Variants in OR3A2 observed in about 807,000 individuals in gnomAD.
OR3A2 encodes the protein olfactory receptor family 3 subfamily A member 2, also known as olfactory receptor 3A2.
For synonymous variants in OR3A2, 126 were observed against 159.3 expected, an observed-to-expected ratio of 0.79 and a Z score of 1.57; for missense variants, 318 against 392.8, an observed-to-expected ratio of 0.81 and a Z score of 1.61.
At position 3,316,305 on chromosome 17, in the gene OR3A2, A is replaced by G. The variant is rs888555600; in HGVS notation, c.-85+19728T>C. On this transcript the variant is annotated intron_variant, in intron 3 of 4. Transcript: ENST00000573491. ...AAAGAAACATGTTTCAGACATTGTG[A>G]GTTCTCAACACATCTGTGAACTGTT... 8.5e-5 allele frequency among the ~76,000 whole-genome samples: 13 copies of G among 152,224 alleles called. No individual in the cohort carries two copies. The East Asian group carries it at 1.5e-3, about 18-fold the overall frequency.
chr17:3,317,179 T>G (rs1597336039), intron 3 of OR3A2, among the ~76,000 whole-genome samples: 1 of 152,080 alleles, frequency 6.6e-6, no homozygotes, highest in Admixed American at 6.5e-5. Flanking sequence ...GATGCCAGAA[T>G]TGGAGGTGGT....
intron 2 of OR3A2, among the ~76,000 whole-genome samples, chr17:3,357,937 G>C (rs2049476701): frequency 6.6e-6 from 1 of 151,550 alleles, no homozygotes; most frequent in African/African-American, 2.4e-5. Flanking sequence ...AGGCTAGTGA[G>C]GCCTTGCCTG....
Position 3,352,021 on chromosome 17 carries a change from C to G in OR3A2, c.-178-15895G>C, listed in dbSNP as rs182836458. ...CTGGATCCCTTCCTTACACCTTATA[C>G]AAAAATCAATTCAAGATGGATTGTA... On this transcript the variant is annotated intron_variant, in intron 2 of 4. Transcript: ENST00000573491. 1.8e-4 allele frequency among the ~76,000 whole-genome samples: 27 copies of G among 152,138 alleles called. No individual in the cohort carries two copies. In the East Asian group the frequency reaches 4.6e-3, roughly 26 times the overall value.
chr17:3,326,878 T>C (rs977926959), intron 3 of OR3A2, among the ~76,000 whole-genome samples: 1 of 134,510 alleles, frequency 7.4e-6, no homozygotes, highest in African/African-American at 2.9e-5. Context: ...ACAAAGGACA[T>C]GAACTCATCA....
intron 2 of OR3A2, among the ~76,000 whole-genome samples, chr17:3,379,031 C>T (rs960431045): frequency 6.6e-6 from 1 of 152,168 alleles, no homozygotes; most frequent in African/African-American, 2.4e-5. Context: ...CTAGTGGGGA[C>T]TTGAATATCT....
rs528159246 is a variant in OR3A2, at chr17:3,376,261, G to T, written c.-179+7543C>A. Among the ~76,000 whole-genome samples the T allele has an allele frequency of 4.2e-4, 64 of 152,346 alleles. No homozygotes were observed. In the South Asian group the frequency reaches 0.011, roughly 27 times the overall value. ...AGGTGGCACTTTCAAGAGAGCACCA[G>T]CTACGATAGTAGAAGGGGGATATAA... On this transcript the variant is annotated intron_variant, in intron 2 of 4. Transcript: ENST00000573491.
At chr17:3,321,180 T>G (rs562719531) in intron 3 of OR3A2, among the ~76,000 whole-genome samples, 1 of 151,288 alleles carries the variant, frequency 6.6e-6, no homozygotes, top group African/African-American at 2.4e-5. Flanking sequence ...GCTCTCTGTT[T>G]GTCTGTTGTT....
chr17:3,333,138 T>A (rs1475726784), intron 3 of OR3A2, among the ~76,000 whole-genome samples: 2 of 152,168 alleles, frequency 1.3e-5, no homozygotes, highest in African/African-American at 4.8e-5. Context: ...CCTAGCAAAA[T>A]AATTGCATTC....
intron 3 of OR3A2, among the ~76,000 whole-genome samples, chr17:3,324,816 TGAG>T (rs1567555051): frequency 6.6e-6 from 1 of 152,126 alleles, no homozygotes; most frequent in Non-Finnish European, 1.5e-5. Flanking sequence ...GAGACCCACT[TGAG>T]GAGGCAGTCT....
chr17:3,304,624 G>C (rs1003734516), intron 3 of OR3A2, among the ~76,000 whole-genome samples: 9 of 152,140 alleles, frequency 5.9e-5, no homozygotes, highest in African/African-American at 1.9e-4. Context: ...GGCCAGAGTA[G>C]TTTTCTAAGG....
rs535410006 is a variant in OR3A2 at position 3,307,963 on chromosome 17, C to T, written c.-85+28070G>A. ...CAAAATCTCAACACCGTCCCCAACA[C>T]AAGGTGACTTTCAGGATTTTAAGTC... On this transcript the variant is annotated intron_variant, in intron 3 of 4. Coordinates refer to the OR3A2 transcript ENST00000573491. 5.3e-5 allele frequency among the ~76,000 whole-genome samples: 8 copies of T among 152,270 alleles called. No individual in the cohort carries two copies. The East Asian group carries it at 1.5e-3, about 29-fold the overall frequency.
intron 2 of OR3A2, among the ~76,000 whole-genome samples, chr17:3,354,502 G>A (rs1245935818): frequency 6.6e-6 from 1 of 151,128 alleles, no homozygotes; most frequent in Non-Finnish European, 1.5e-5. Context: ...TTTATGGTTT[G>A]ATCTTGGTAG....
At chr17:3,301,108 T>C (rs1567547603) in intron 3 of OR3A2, among the ~76,000 whole-genome samples, 2 of 152,232 alleles carry the variant, frequency 1.3e-5, no homozygotes, top group Admixed American at 1.3e-4. Context: ...ACATTTGGGT[T>C]GGTTCCAAGT....
intron 3 of OR3A2, among the ~76,000 whole-genome samples, chr17:3,315,772 GA>G (rs2049078093): frequency 3.3e-5 from 1 of 29,866 alleles, no homozygotes; most frequent in African/African-American, 2.2e-4. Flanking sequence ...GCGGTAGTAA[GA>G]TGAGTAGTAA....
At chr17:3,281,096 T>C (rs1241261121) in intron 1 of OR3A2, among the ~76,000 whole-genome samples, 2 of 152,150 alleles carry the variant, frequency 1.3e-5, no homozygotes, top group African/African-American at 4.8e-5. Context: ...CTCACAATCC[T>C]GGAACAAGTG....
chr17:3,346,458 G>T (rs2049364372), intron 2 of OR3A2, among the ~76,000 whole-genome samples: 1 of 152,274 alleles, frequency 6.6e-6, no homozygotes, highest in Non-Finnish European at 1.5e-5. Context: ...GGGAACAGCA[G>T]TAGCAGCCAC....
chr17:3,363,325 C>G (rs964033998), intron 2 of OR3A2, among the ~76,000 whole-genome samples: 6 of 151,754 alleles, frequency 4.0e-5, no homozygotes, highest in Admixed American at 2.6e-4. Context: ...ATTTCTTCTG[C>G]CAGATACTCT....
At chr17:3,336,050 G>A (rs1054475769) in exon 3 of OR3A2, 4 of 152,290 alleles carry the variant, frequency 2.6e-5, no homozygotes, top group African/African-American at 4.8e-5. Context: ...GCCGGAACAC[G>A]CAGAGCCCTC....
intron 2 of OR3A2, among the ~76,000 whole-genome samples, chr17:3,343,019 C>G (rs9899543): frequency 2.0e-5 from 3 of 152,130 alleles, no homozygotes; most frequent in Non-Finnish European, 4.4e-5. Context: ...TGGACTGCTG[C>G]GCTAGCAGTG....
Sources: allele counts gnomAD v4.1 joint callset (sites outside exome capture counted in the v4.1 genomes callset), GRCh38; gene constraint gnomAD v4.1.1; transcripts MANE v1.5; gene names NCBI Gene and HGNC (gene_info 2026-07-23, HGNC 2026-07-21).